The following MTUS2 variants were observed in gnomAD, a reference collection of about 807,000 sequenced individuals.
MTUS2 encodes microtubule associated scaffold protein 2, also known as microtubule-associated tumor suppressor candidate 2.
In MTUS2, 40 loss-of-function variants were observed where a neutral mutation model predicts 114.1. The ratio of observed to expected loss-of-function variants is 0.35; its 90% CI spans 0.27 to 0.46. The LOEUF is 0.46. Among genes scored for constraint, MTUS2 ranks in the 20% least tolerant of loss-of-function variants. The probability of loss-of-function intolerance (pLI) is 1.00; values close to 1 mark genes in which losing one functional copy is unlikely to be tolerated. For synonymous variants in MTUS2, 688 were observed against 672.0 expected, an observed-to-expected ratio of 1.02 and a Z score of -0.37; for missense variants, 1,679 against 1,705.4, an observed-to-expected ratio of 0.98 and a Z score of 0.27.
At chr13:29,357,518 G>GA (rs1274284915) in intron 7 of MTUS2, among the ~76,000 whole-genome samples, 1 of 152,026 alleles carries the variant, frequency 6.6e-6, no homozygotes, top group African/African-American at 2.4e-5. Context: ...CAATTGTGGG[G>GA]AAAAAAATAT....
At chr13:29,303,581 A>G (rs899200433) in intron 6 of MTUS2, among the ~76,000 whole-genome samples, 1 of 152,194 alleles carries the variant, frequency 6.6e-6, no homozygotes, top group African/African-American at 2.4e-5. Context: ...GCAGACAAGA[A>G]TAGAGAAAAA....
intron 6 of MTUS2, among the ~76,000 whole-genome samples, chr13:29,293,722 A>G (rs34962069): frequency 0.039 from 5,977 of 152,258 alleles, 140 homozygotes; most frequent in East Asian, 0.091. Flanking sequence ...AAGTTATGAT[A>G]TAGCCATTTA....
intron 10 of MTUS2, chr13:29,482,483 G>A (rs575220175): frequency 1.3e-5 from 2 of 152,328 alleles, no homozygotes; most frequent in South Asian, 4.1e-4. Context: ...AGAGCCCTGC[G>A]CTCTGTTCAT....
intron 4 of MTUS2, among the ~76,000 whole-genome samples, chr13:29,055,007 C>T (rs1888067178): frequency 6.6e-6 from 1 of 151,948 alleles, no homozygotes; most frequent in Non-Finnish European, 1.5e-5. Flanking sequence ...ATGGTCTGTG[C>T]TTATGTTTGG....
intron 9 of MTUS2, among the ~76,000 whole-genome samples, chr13:29,460,923 A>T (rs967033829): frequency 6.6e-6 from 1 of 151,704 alleles, no homozygotes; most frequent in African/African-American, 2.4e-5. Context: ...TGGCAAAAGC[A>T]TTTTGTATTT....
At chr13:29,302,863 C>A (rs1272461795) in intron 6 of MTUS2, among the ~76,000 whole-genome samples, 1 of 152,216 alleles carries the variant, frequency 6.6e-6, no homozygotes, top group African/African-American at 2.4e-5. Flanking sequence ...TGAGACCTCC[C>A]AACTGGGGTC....
intron 5 of MTUS2, among the ~76,000 whole-genome samples, chr13:29,255,600 C>A (rs1170820211): frequency 6.6e-6 from 1 of 151,824 alleles, no homozygotes; most frequent in Non-Finnish European, 1.5e-5. Context: ...TTTGAGTGCA[C>A]TTTCATCTTG....
intron 5 of MTUS2, among the ~76,000 whole-genome samples, chr13:29,271,318 T>C (rs1055446558): frequency 1.3e-5 from 2 of 152,308 alleles, no homozygotes; most frequent in Middle Eastern, 3.4e-3. Flanking sequence ...ACTGTCTTCT[T>C]CCATCTATCT....
At chr13:29,161,633 C>T (rs7997258) in intron 5 of MTUS2, among the ~76,000 whole-genome samples, 73,571 of 152,052 alleles carry the variant, frequency 0.48, 18,829 homozygotes, top group African/African-American at 0.66. Flanking sequence ...ATTGTCTATA[C>T]TCATTGCACC....
At chr13:29,250,106 A>G (rs1440054182) in intron 5 of MTUS2, among the ~76,000 whole-genome samples, 1 of 152,028 alleles carries the variant, frequency 6.6e-6, no homozygotes, top group East Asian at 1.9e-4. Context: ...AATAAAGTCT[A>G]AATTCTTTCT....
chr13:29,030,318 C>G (rs573646603), intron 3 of MTUS2, among the ~76,000 whole-genome samples: 2 of 152,132 alleles, frequency 1.3e-5, no homozygotes, highest in African/African-American at 2.4e-5. Context: ...CCTCGCACCT[C>G]GAGCATCCCA....
chr13:29,447,153 G>A (rs976891985), intron 9 of MTUS2, among the ~76,000 whole-genome samples: 12 of 152,104 alleles, frequency 7.9e-5, no homozygotes, highest in African/African-American at 2.9e-4. Flanking sequence ...TGCTTCTGGT[G>A]CCAAGCATTT....
intron 10 of MTUS2, chr13:29,484,989 A>C (rs1320579347): frequency 3.9e-5 from 6 of 152,284 alleles, no homozygotes; most frequent in Non-Finnish European, 5.9e-5. Context: ...TAGAACGAGG[A>C]CTACTGCCGT....
chr13:29,116,796 A>T (rs926855123), intron 5 of MTUS2, among the ~76,000 whole-genome samples: 21 of 152,120 alleles, frequency 1.4e-4, no homozygotes, highest in African/African-American at 5.1e-4. Context: ...CCAAGGGATG[A>T]TTCCCATCCT....
intron 4 of MTUS2, among the ~76,000 whole-genome samples, chr13:29,071,324 G>A (rs1888916522): frequency 7.2e-6 from 1 of 138,778 alleles, no homozygotes; most frequent in Admixed American, 7.2e-5. Flanking sequence ...ATAGCACATT[G>A]TTCTTTATTT....
chr13:29,050,855 G>A (rs1434736249), intron 4 of MTUS2, among the ~76,000 whole-genome samples: 3 of 152,194 alleles, frequency 2.0e-5, no homozygotes, highest in Admixed American at 6.5e-5. Context: ...ACACACAAAA[G>A]CCTTGAGGTG....
At chr13:28,907,713 T>A (rs955059893) in intron 2 of MTUS2, among the ~76,000 whole-genome samples, 1 of 151,582 alleles carries the variant, frequency 6.6e-6, no homozygotes, top group African/African-American at 2.4e-5. Context: ...CTATCCTAAA[T>A]ATATATGCAC....
At chr13:29,370,769 T>G (rs1379211705) in intron 8 of MTUS2, among the ~76,000 whole-genome samples, 1 of 152,210 alleles carries the variant, frequency 6.6e-6, no homozygotes, top group Non-Finnish European at 1.5e-5. Flanking sequence ...CACCCAATTA[T>G]ATATTGTCCA....
intron 8 of MTUS2, chr13:29,428,613 C>T: frequency 6.9e-6 from 2 of 290,616 alleles, no homozygotes; most frequent in Non-Finnish European, 1.1e-5. Context: ...CCCGCCCTCC[C>T]TCCCGCAGCA....
Sources: gnomAD v4.1 joint callset for allele counts (sites outside exome capture counted in the v4.1 genomes callset) on GRCh38, gnomAD v4.1.1 for gene constraint, MANE v1.5 for transcripts, NCBI Gene and HGNC (gene_info 2026-07-23, HGNC 2026-07-21) for gene names.